SPRY3: variants seen among roughly 807,000 people sequenced by gnomAD.
SPRY3 encodes protein sprouty homolog 3.
SPRY3 carries 15 observed loss-of-function variants against 20.2 expected under a neutral mutation model. The observed-to-expected ratio is 0.74, with a 90% CI of 0.50 to 1.14. The LOEUF is 1.14. Ranked by LOEUF, SPRY3 falls within the 50% of genes most tolerant of loss-of-function variation. SPRY3 has a pLI of 0.00. For missense variants in SPRY3, 364 were observed against 363.9 expected (o/e 1.00, Z 0.00); for synonymous variants, 143 against 136.5 (o/e 1.05, Z -0.33).
intron 2 of SPRY3, among the ~76,000 whole-genome samples, chrX:155,682,525 T>A (rs1288040877): frequency 1.8e-5 from 2 of 111,685 alleles, no homozygotes; most frequent in African/African-American, 3.3e-5. Flanking sequence ...GTTATTTTTT[T>A]AAAAACATTT....
At chrX:155,671,774 T>C (rs182928124) in intron 2 of SPRY3, among the ~76,000 whole-genome samples, 201 of 111,368 alleles carry the variant, frequency 1.8e-3, no homozygotes, top group Middle Eastern at 9.2e-3. Flanking sequence ...GTTTTTATGG[T>C]TTTAGGTCTA....
At chrX:155,748,920 G>A (rs1156600793) in intron 2 of SPRY3, among the ~76,000 whole-genome samples, 2 of 151,650 alleles carry the variant, frequency 1.3e-5, no homozygotes, top group Non-Finnish European at 2.9e-5. Context: ...ACAGGCAACC[G>A]AGAATCATCA....
intron 2 of SPRY3, among the ~76,000 whole-genome samples, chrX:155,717,025 A>T (rs1602959360): frequency 9.3e-6 from 1 of 108,058 alleles, no homozygotes; most frequent in Admixed American, 9.7e-5. Flanking sequence ...TGGGCGTGGC[A>T]GCATGCGCCT....
chrX:155,773,311 T>G (rs2091394429), intron 3 of SPRY3, among the ~76,000 whole-genome samples: 1 of 127,782 alleles, frequency 7.8e-6, no homozygotes, highest in African/African-American at 3.1e-5. Context: ...TGATTGGATA[T>G]ATATATATAT....
At chrX:155,619,101 T>TAGAGCCCTG (rs34892667) in intron 1 of SPRY3, among the ~76,000 whole-genome samples, 2 of 110,893 alleles carry the variant, frequency 1.8e-5, no homozygotes, top group African/African-American at 6.5e-5. Flanking sequence ...TGTCAAGTCT[T>TAGAGCCCTG]TACTGAAACC....
chrX:155,730,565 G>T (rs2091126400), intron 2 of SPRY3, among the ~76,000 whole-genome samples: 1 of 151,974 alleles, frequency 6.6e-6, no homozygotes, highest in South Asian at 2.1e-4. Context: ...ATATATGACA[G>T]ACCCACAGCT....
At chrX:155,633,376 T>TAAAA (rs1170609386) in intron 1 of SPRY3, among the ~76,000 whole-genome samples, 6 of 21,097 alleles carry the variant, frequency 2.8e-4, no homozygotes, top group African/African-American at 1.0e-3. Flanking sequence ...CCGTCTCTAC[T>TAAAA]AAAAAAAAAA....
chrX:155,774,770 C>T, exon 4 of SPRY3: 1 of 1,582,094 alleles, frequency 6.3e-7, no homozygotes, highest in South Asian at 1.2e-5. Flanking sequence ...GAGCTTTTCT[C>T]CTTCGAGTCC....
chrX:155,616,791 A>G (rs1295597087), intron 1 of SPRY3, among the ~76,000 whole-genome samples: 2 of 110,980 alleles, frequency 1.8e-5, no homozygotes, highest in African/African-American at 6.6e-5. Context: ...CCTGGGGCTG[A>G]GGAATTCCCT....
chrX:155,737,515 G>A (rs1171378866), intron 2 of SPRY3, among the ~76,000 whole-genome samples: 6 of 152,126 alleles, frequency 3.9e-5, no homozygotes, highest in Non-Finnish European at 5.9e-5. Flanking sequence ...GCAATATAAC[G>A]CAGATGGGGA....
intron 1 of SPRY3, among the ~76,000 whole-genome samples, chrX:155,620,458 G>A (rs1435095047): frequency 1.8e-5 from 2 of 111,284 alleles, no homozygotes; most frequent in African/African-American, 6.5e-5. Flanking sequence ...CATGCAAATT[G>A]ATAATTAACT....
chrX:155,710,107 TTTC>T (rs1207299810), intron 2 of SPRY3, among the ~76,000 whole-genome samples: 2 of 151,812 alleles, frequency 1.3e-5, no homozygotes, highest in East Asian at 3.8e-4. Context: ...TTCCTCCAGT[TTTC>T]TTCTTTTTGC....
At chrX:155,626,477 A>AT (rs1439166281) in intron 1 of SPRY3, among the ~76,000 whole-genome samples, 2 of 110,596 alleles carry the variant, frequency 1.8e-5, no homozygotes, top group African/African-American at 6.6e-5. Context: ...GATTTGCAAA[A>AT]TTTTTTCCCA....
intron 2 of SPRY3, among the ~76,000 whole-genome samples, chrX:155,672,215 G>A (rs1324462853): frequency 9.0e-6 from 1 of 110,693 alleles, no homozygotes; most frequent in Non-Finnish European, 1.9e-5. Context: ...GGGACAAATG[G>A]GATCTAATTA....
chrX:155,774,696 T>C (rs760534184), exon 4 of SPRY3: 28 of 1,613,912 alleles, frequency 1.7e-5, no homozygotes, highest in Non-Finnish European at 2.4e-5. Context: ...AGATCTCTTC[T>C]GGTAGTGCAC....
chrX:155,742,044 G>A (rs1474083636), intron 2 of SPRY3, among the ~76,000 whole-genome samples: 2 of 152,106 alleles, frequency 1.3e-5, no homozygotes, highest in Admixed American at 1.3e-4. Flanking sequence ...AAAAGACACA[G>A]AATGGCAAGC....
At chrX:155,750,743 TAAA>T (rs2091258214) in intron 2 of SPRY3, among the ~76,000 whole-genome samples, 1 of 151,750 alleles carries the variant, frequency 6.6e-6, no homozygotes, top group African/African-American at 2.4e-5. Flanking sequence ...GCAGATGGTA[TAAA>T]ATAGACGGCT....
At chrX:155,623,439 C>A (rs1557349627) in intron 1 of SPRY3, among the ~76,000 whole-genome samples, 2 of 111,741 alleles carry the variant, frequency 1.8e-5, no homozygotes, top group South Asian at 3.7e-4. Flanking sequence ...TTATTTAAAT[C>A]ATTTCTTAGA....
At chrX:155,678,366 T>C (rs1315187319) in intron 2 of SPRY3, among the ~76,000 whole-genome samples, 3 of 112,087 alleles carry the variant, frequency 2.7e-5, no homozygotes, top group African/African-American at 9.7e-5. Flanking sequence ...GTAGAATGAC[T>C]CCAGTACCCT....
Sources: allele counts gnomAD v4.1 joint callset (sites outside exome capture counted in the v4.1 genomes callset), GRCh38; gene constraint gnomAD v4.1.1; transcripts MANE v1.5; gene names NCBI Gene and HGNC (gene_info 2026-07-23, HGNC 2026-07-21).